FARP1: variants seen among roughly 807,000 people sequenced by gnomAD.
FARP1 encodes the protein FERM, ARHGEF and pleckstrin domain-containing protein 1.
Under a neutral mutation model 128.8 loss-of-function variants are expected in FARP1, and 52 were observed. The observed-to-expected ratio is 0.40, with a 90% CI of 0.32 to 0.51. The LOEUF (loss-of-function observed/expected upper bound fraction) is 0.51. Ranked by LOEUF, FARP1 falls within the 20% of genes least tolerant of loss-of-function variation. The pLI, the probability that FARP1 is intolerant of heterozygous loss-of-function variation, is 0.45. For synonymous variants in FARP1, 580 were observed against 551.8 expected (o/e 1.05, Z -0.72); for missense variants, 1,333 against 1,367.9 (o/e 0.97, Z 0.40).
chr13:98,348,094 G>T (rs188912058), intron 3 of FARP1, among the ~76,000 whole-genome samples: 3 of 152,218 alleles, frequency 2.0e-5, no homozygotes, highest in Non-Finnish European at 4.4e-5. Context: ...AGTCTAAGAC[G>T]TGTTTCTCAA....
chr13:98,337,342 A>G (rs1887786594), intron 2 of FARP1, among the ~76,000 whole-genome samples: 1 of 152,198 alleles, frequency 6.6e-6, no homozygotes, highest in Admixed American at 6.6e-5. Flanking sequence ...ACTGCACTCC[A>G]GCCAAGGCGA....
At chr13:98,389,854 C>T (rs752288583) in intron 9 of FARP1, 103 bp from the exon 10 acceptor site, 64 of 1,153,316 alleles carry the variant, frequency 5.5e-5, no homozygotes, top group Non-Finnish European at 6.3e-5. Flanking sequence ...AAATACACAG[C>T]GAAAACTTTA....
At chr13:98,309,571 G>C (rs1198824997) in intron 2 of FARP1, among the ~76,000 whole-genome samples, 2 of 152,178 alleles carry the variant, frequency 1.3e-5, no homozygotes, top group Non-Finnish European at 2.9e-5. Context: ...GGGATAGAGA[G>C]AAGCTGTAGG....
At position 98,273,770 on chromosome 13, in the gene FARP1, A is replaced by G. The variant is rs534478595; in HGVS notation, c.171+60357A>G. Among the ~76,000 whole-genome samples the G allele has an allele frequency of 8.5e-5, 13 of 152,332 alleles. No individual in the cohort carries two copies. The South Asian group carries it at 2.7e-3, about 32-fold the overall frequency. On this transcript the variant is annotated intron_variant, in intron 2 of 26. Transcript: ENST00000319562. Reference sequence around the variant, plus strand: ...GAGAAATAGAAGGTCAGAGCCCACAATGAACTAAGCTCTGTGAGGGCCTCC... The same window carrying G: ...GAGAAATAGAAGGTCAGAGCCCACAGTGAACTAAGCTCTGTGAGGGCCTCC...
At chr13:98,212,718 G>C (rs575386256) in intron 1 of FARP1, among the ~76,000 whole-genome samples, 2 of 152,298 alleles carry the variant, frequency 1.3e-5, no homozygotes, top group South Asian at 4.1e-4. Flanking sequence ...TGTTGCCTCT[G>C]TATGAGTGTA....
intron 2 of FARP1, among the ~76,000 whole-genome samples, chr13:98,221,722 G>A (rs1174366660): frequency 6.6e-6 from 1 of 152,068 alleles, no homozygotes; most frequent in Non-Finnish European, 1.5e-5. Context: ...TTTTCCTAGA[G>A]TCAGGATGTT....
chr13:98,263,070 G>A (rs1267556506), intron 2 of FARP1, among the ~76,000 whole-genome samples: 16 of 151,992 alleles, frequency 1.1e-4, no homozygotes, highest in African/African-American at 2.4e-4. Flanking sequence ...GTGCCGTCGC[G>A]CAATCTCGGC....
intron 5 of FARP1, among the ~76,000 whole-genome samples, chr13:98,376,488 T>C (rs1025848787): frequency 6.6e-6 from 1 of 152,246 alleles, no homozygotes; most frequent in African/African-American, 2.4e-5. Flanking sequence ...CCACTGTGTA[T>C]ACATACCCCA....
intron 21 of FARP1, among the ~76,000 whole-genome samples, chr13:98,439,484 AG>A (rs1238654817): frequency 6.6e-6 from 1 of 152,044 alleles, no homozygotes; most frequent in Non-Finnish European, 1.5e-5. Context: ...TGAAAGGGTA[AG>A]CTGACAAGGC....
intron 24 of FARP1, among the ~76,000 whole-genome samples, chr13:98,444,776 T>C (rs1166816201): frequency 6.6e-6 from 1 of 152,164 alleles, no homozygotes; most frequent in East Asian, 1.9e-4. Flanking sequence ...GTGGGCTGGC[T>C]GCTGTGTGAA....
intron 1 of FARP1, among the ~76,000 whole-genome samples, chr13:98,145,463 T>G (rs1267195395): frequency 2.0e-5 from 3 of 152,248 alleles, no homozygotes; most frequent in Non-Finnish European, 4.4e-5. Flanking sequence ...AAAGAAGATC[T>G]TAAAATAATT....
intron 6 of FARP1, among the ~76,000 whole-genome samples, chr13:98,378,333 C>A (rs1250893994): frequency 6.6e-6 from 1 of 152,136 alleles, no homozygotes; most frequent in Non-Finnish European, 1.5e-5. Context: ...GATTTTTGCT[C>A]TTCAGAATTC....
At chr13:98,279,527 T>C (rs558301494) in intron 2 of FARP1, among the ~76,000 whole-genome samples, 165 of 152,326 alleles carry the variant, frequency 1.1e-3, no homozygotes, top group African/African-American at 3.8e-3. Context: ...ACTGGAAATG[T>C]GGTTCTGGAT....
intron 2 of FARP1, among the ~76,000 whole-genome samples, chr13:98,245,947 T>C (rs1883027129): frequency 6.6e-6 from 1 of 151,604 alleles, no homozygotes; most frequent in African/African-American, 2.4e-5. Context: ...CAGCCAACTT[T>C]TTATATTTTA....
chr13:98,433,281 C>A (rs1892119692), intron 18 of FARP1: 1 of 152,150 alleles, frequency 6.6e-6, no homozygotes. Context: ...TTGTTAATAT[C>A]TAGAATATAT....
intron 2 of FARP1, among the ~76,000 whole-genome samples, chr13:98,310,424 GC>G (rs1218371611): frequency 6.6e-6 from 1 of 152,186 alleles, no homozygotes; most frequent in Non-Finnish European, 1.5e-5. Context: ...CTGTGCTTAT[GC>G]CCAGGTGCAT....
At chr13:98,256,959 A>ATATATATATATATATG (rs1883639060) in intron 2 of FARP1, among the ~76,000 whole-genome samples, 1 of 106,536 alleles carries the variant, frequency 9.4e-6, no homozygotes. Context: ...ATATATATAT[A>ATATATATATATATATG]TATATATATA....
intron 16 of FARP1, among the ~76,000 whole-genome samples, chr13:98,422,852 T>A (rs1403949585): frequency 6.6e-6 from 1 of 152,100 alleles, no homozygotes; most frequent in Non-Finnish European, 1.5e-5. Context: ...AGCCACCATA[T>A]CTGTGGGGTG....
rs149988576 is a variant in FARP1 at position 98,178,303 on chromosome 13, C to T, written c.-24+34811C>T. On this transcript the variant is annotated intron_variant, in intron 1 of 26. Coordinates refer to ENST00000319562, the MANE Select transcript of FARP1 (RefSeq NM_005766.4). The stretch of plus-strand genomic sequence containing the variant: ...CTCTGCCTCCCGGGTTCAAGCAATT[C>T]TCCTGCCTCAGCCTCCTGAGTAGCT... Among the ~76,000 whole-genome samples, 921 of 149,778 alleles carry T rather than the reference C, an allele frequency of 6.1e-3. 7 individuals carry two copies. Among genetic ancestry groups the T allele is most frequent in the African/African-American group, 0.021 (845 of 40,588 alleles).
Sources: allele counts gnomAD v4.1 joint callset (sites outside exome capture counted in the v4.1 genomes callset), GRCh38; gene constraint gnomAD v4.1.1; transcripts MANE v1.5; gene names NCBI Gene and HGNC (gene_info 2026-07-23, HGNC 2026-07-21).